NBEA: variants seen among roughly 807,000 people sequenced by gnomAD.
The protein encoded by NBEA is lysosomal-trafficking regulator 2.
NBEA carries 44 observed loss-of-function variants against 343.4 expected under a neutral mutation model. The ratio of observed to expected loss-of-function variants is 0.13; its 90% CI spans 0.10 to 0.16. The LOEUF is 0.16. Ranked by LOEUF, NBEA falls within the 10% of genes least tolerant of loss-of-function variation. NBEA has a pLI of 1.00. For missense variants in NBEA, 2,555 were observed against 3,631.3 expected, an observed-to-expected ratio of 0.70 and a Z score of 7.62; for synonymous variants, 1,175 against 1,238.7, an observed-to-expected ratio of 0.95 and a Z score of 1.08.
At chr13:34,952,231 G>A (rs2059372070) in intron 1 of NBEA, among the ~76,000 whole-genome samples, 1 of 152,122 alleles carries the variant, frequency 6.6e-6, no homozygotes, top group Non-Finnish European at 1.5e-5. Context: ...TGTTGGAAGG[G>A]GAGGGACCAG....
intron 34 of NBEA, among the ~76,000 whole-genome samples, chr13:35,278,194 T>C (rs1013448544): frequency 6.7e-6 from 1 of 149,456 alleles, no homozygotes; most frequent in Non-Finnish European, 1.5e-5. Flanking sequence ...ACAACAAGCA[T>C]TAAATAGAAG....
At chr13:35,037,537 C>G (rs1164133575) in intron 1 of NBEA, among the ~76,000 whole-genome samples, 1 of 152,068 alleles carries the variant, frequency 6.6e-6, no homozygotes, top group Non-Finnish European at 1.5e-5. Context: ...TTATAGCCAC[C>G]CTTCTTGGGA....
intron 38 of NBEA, among the ~76,000 whole-genome samples, chr13:35,427,155 GC>G (rs1481771957): frequency 6.6e-6 from 1 of 152,166 alleles, no homozygotes; most frequent in Non-Finnish European, 1.5e-5. Context: ...TCTCCATCCA[GC>G]TTTGTTCCGT....
At chr13:35,648,003 G>A (rs2084322331) in intron 51 of NBEA, among the ~76,000 whole-genome samples, 1 of 151,842 alleles carries the variant, frequency 6.6e-6, no homozygotes, top group Non-Finnish European at 1.5e-5. Flanking sequence ...AGTCTTCCTA[G>A]TAGCTGGGAC....
chr13:35,383,994 A>T (rs927483837), intron 38 of NBEA, among the ~76,000 whole-genome samples: 1 of 152,100 alleles, frequency 6.6e-6, no homozygotes. Context: ...AAGAGAGTCA[A>T]TCTGGAAAGA....
intron 38 of NBEA, among the ~76,000 whole-genome samples, chr13:35,418,256 G>A (rs2044060485): frequency 1.3e-5 from 2 of 151,992 alleles, no homozygotes; most frequent in African/African-American, 2.4e-5. Flanking sequence ...AGTTAATATT[G>A]TTATGTGTTA....
chr13:35,541,725 G>GGTGTGTGTGTGTGTGTGTGT (rs3075505), intron 41 of NBEA, among the ~76,000 whole-genome samples: 58 of 145,216 alleles, frequency 4.0e-4, no homozygotes, highest in South Asian at 6.8e-4. Context: ...GGTCTGCATG[G>GGTGTGTGTGTGTGTGTGTGT]GTGTGTGTGT....
intron 31 of NBEA, among the ~76,000 whole-genome samples, chr13:35,205,026 ATAAT>A (rs1247930639): frequency 2.0e-5 from 3 of 152,184 alleles, no homozygotes; most frequent in African/African-American, 7.2e-5. Context: ...ATTTTAAAAG[ATAAT>A]TAATTTGTTA....
chr13:35,609,095 A>G (rs146150231), intron 48 of NBEA, among the ~76,000 whole-genome samples: 2 of 152,372 alleles, frequency 1.3e-5, no homozygotes, highest in East Asian at 3.9e-4. Flanking sequence ...ATTCACAGAT[A>G]AAGACTGCAA....
chr13:35,308,450 A>AC (rs1719128229), intron 35 of NBEA, among the ~76,000 whole-genome samples: 1 of 115,430 alleles, frequency 8.7e-6, no homozygotes, highest in Non-Finnish European at 1.7e-5. Flanking sequence ...ATATATATAT[A>AC]TATATATATA....
chr13:35,101,557 CTTA>C (rs745695709), intron 11 of NBEA, among the ~76,000 whole-genome samples: 7 of 151,258 alleles, frequency 4.6e-5, no homozygotes, highest in Admixed American at 6.6e-5. Flanking sequence ...TGATATGTGT[CTTA>C]TTATTGATTT....
intron 39 of NBEA, among the ~76,000 whole-genome samples, chr13:35,449,634 G>A (rs2046205655): frequency 6.6e-6 from 1 of 152,154 alleles, no homozygotes. Context: ...TATAAAGATA[G>A]CTACCCTCAG....
intron 8 of NBEA, among the ~76,000 whole-genome samples, chr13:35,065,532 T>C (rs2063620451): frequency 6.6e-6 from 1 of 152,126 alleles, no homozygotes; most frequent in South Asian, 2.1e-4. Context: ...ACTATACTTT[T>C]AGAATTTCTT....
At chr13:35,251,188 G>A (rs2031913102) in intron 34 of NBEA, 1 of 253,564 alleles carries the variant, frequency 3.9e-6, no homozygotes, top group African/African-American at 2.3e-5. Context: ...TGGTAGGGGA[G>A]GGGACTCACT....
intron 41 of NBEA, among the ~76,000 whole-genome samples, chr13:35,527,164 A>C (rs1292839376): frequency 1.3e-5 from 2 of 152,082 alleles, no homozygotes; most frequent in Non-Finnish European, 2.9e-5. Context: ...GACCCATAAG[A>C]AGTGTGGCTG....
chr13:35,352,348 A>C, intron 38 of NBEA, 25 bp downstream of exon 38: 1 of 1,309,586 alleles, frequency 7.6e-7, no homozygotes, highest in Non-Finnish European at 1.0e-6. Context: ...ATTCGAGTAA[A>C]TAATAATTCA....
At chr13:35,502,100 C>A (rs1480658090) in intron 41 of NBEA, among the ~76,000 whole-genome samples, 1 of 152,064 alleles carries the variant, frequency 6.6e-6, no homozygotes, top group South Asian at 2.1e-4. Context: ...GAGAGATGGA[C>A]AGAAATCACA....
intron 39 of NBEA, among the ~76,000 whole-genome samples, chr13:35,437,490 T>C (rs1325172842): frequency 6.6e-6 from 1 of 152,196 alleles, no homozygotes; most frequent in Non-Finnish European, 1.5e-5. Context: ...TTGAATAATT[T>C]ATGAGGTTGT....
intron 10 of NBEA, among the ~76,000 whole-genome samples, chr13:35,076,592 G>T (rs1378398694): frequency 6.6e-6 from 1 of 151,618 alleles, no homozygotes; most frequent in Non-Finnish European, 1.5e-5. Flanking sequence ...TCTTTGTCTT[G>T]TTACAAGGTT....
Sources: gnomAD v4.1 joint callset for allele counts (sites outside exome capture counted in the v4.1 genomes callset) on GRCh38, gnomAD v4.1.1 for gene constraint, MANE v1.5 for transcripts, NCBI Gene and HGNC (gene_info 2026-07-23, HGNC 2026-07-21) for gene names.